Variants in PCSK1 observed in about 807,000 individuals in gnomAD.
PCSK1 encodes the protein proprotein convertase subtilisin/kexin type 1.
Under a neutral mutation model 90.6 loss-of-function variants are expected in PCSK1, and 56 were observed. That is an observed-to-expected ratio of 0.62 (90% confidence interval 0.50 to 0.77). The LOEUF is 0.77. Ranked by LOEUF, PCSK1 falls within the 30% of genes least tolerant of loss-of-function variation. The probability of loss-of-function intolerance (pLI) is 0.00; values close to 1 mark genes in which losing one functional copy is unlikely to be tolerated. For synonymous variants in PCSK1, 348 were observed against 342.4 expected (o/e 1.02, Z -0.18); for missense variants, 801 against 932.6 (o/e 0.86, Z 1.84).
chr5:96,426,406 G>T (rs1761308869), intron 2 of PCSK1, among the ~76,000 whole-genome samples: 1 of 152,144 alleles, frequency 6.6e-6, no homozygotes, highest in Non-Finnish European at 1.5e-5. Flanking sequence ...ATTTTATAAA[G>T]TAAGAATGGT....
chr5:96,394,136 C>A (rs1167003723), intron 13 of PCSK1, among the ~76,000 whole-genome samples: 1 of 152,216 alleles, frequency 6.6e-6, no homozygotes, highest in East Asian at 1.9e-4. Flanking sequence ...AAACACCCAG[C>A]TCAGAGCTGG....
At chr5:96,414,394 G>A (rs1452958875) in intron 6 of PCSK1, among the ~76,000 whole-genome samples, 3 of 145,120 alleles carry the variant, frequency 2.1e-5, no homozygotes, top group Non-Finnish European at 4.4e-5. Context: ...TTGAGGCCAG[G>A]AAGGGATAGT....
intron 7 of PCSK1, among the ~76,000 whole-genome samples, chr5:96,412,008 A>G (rs529223862): frequency 3.7e-4 from 56 of 151,990 alleles, no homozygotes; most frequent in Non-Finnish European, 7.2e-4. Flanking sequence ...GAACAGTGCA[A>G]CCTAGTTACA....
chr5:96,430,945 A>G (rs1761472712), intron 1 of PCSK1, among the ~76,000 whole-genome samples: 1 of 152,238 alleles, frequency 6.6e-6, no homozygotes, highest in South Asian at 2.1e-4. Context: ...CAGTTTTCAC[A>G]TTGAATGGTC....
In PCSK1 at chr5:96,412,450, C is replaced by T. The variant is rs1405408834; in HGVS notation, c.750G>A (p.Glu250=). ...MLDGIVTDAI[E]ASSIGFNPGH... The stretch of plus-strand genomic sequence containing the variant: ...CAGGATTGAATCCAATTGAACTGGC[C>T]TCAATAGCATCCGTCACAATGCCAT... The change falls in exon 7 of 14, where the codon GAG becomes GAA. Residue 250 remains glutamate (E), a synonymous_variant. Transcript: ENST00000311106. 1 of 1,613,842 alleles carries T rather than the reference C, an allele frequency of 6.2e-7. No homozygotes were observed. Among genetic ancestry groups the T allele is most frequent in the Non-Finnish European group, 8.5e-7 (1 of 1,179,788 alleles).
chr5:96,406,750 C>T (rs1170837806), intron 9 of PCSK1, among the ~76,000 whole-genome samples: 4 of 152,204 alleles, frequency 2.6e-5, no homozygotes, highest in African/African-American at 9.7e-5. Flanking sequence ...GCTTTGTTCT[C>T]TCTCTAGAGA....
Position 96,399,001 on chromosome 5 carries a change from A to G in PCSK1, c.1466T>C (p.Ile489Thr). The G allele has an allele frequency of 6.2e-7, 1 of 1,612,802 alleles. No homozygotes were observed. Among genetic ancestry groups the G allele is most frequent in the Non-Finnish European group, 8.5e-7 (1 of 1,178,986 alleles). ...LKANGEVIIE[I>T]PTRACEGQEN... is the part of the protein sequence containing the mutation. ...TTGTCCTTCACAAGCTCTTGTTGGA[A>G]TTTCAATGATAACTTCTCCATTAGC... Residue 489 changes from isoleucine (I) to threonine (T), a missense_variant, in exon 11 of 14, where the codon ATT becomes ACT. By Grantham distance (89) the Ile-to-Thr change is moderately conservative. Transcript: ENST00000311106.
intron 5 of PCSK1, among the ~76,000 whole-genome samples, chr5:96,421,161 G>A (rs1313299637): frequency 6.6e-6 from 1 of 152,238 alleles, no homozygotes; most frequent in Admixed American, 6.5e-5. Context: ...AAAGTCTCTT[G>A]CCTCTGGGTC....
intron 13 of PCSK1, among the ~76,000 whole-genome samples, chr5:96,394,603 T>A (rs1288260438): frequency 1.3e-5 from 2 of 152,238 alleles, no homozygotes; most frequent in African/African-American, 4.8e-5. Context: ...CCATTTGTTA[T>A]CTGTCATAAG....
At chr5:96,409,684 C>G (rs1760688950) in intron 8 of PCSK1, among the ~76,000 whole-genome samples, 1 of 152,202 alleles carries the variant, frequency 6.6e-6, no homozygotes, top group South Asian at 2.1e-4. Context: ...ATGACAACAG[C>G]CAGGGGCTCT....
intron 9 of PCSK1, among the ~76,000 whole-genome samples, chr5:96,406,852 C>A (rs1760587650): frequency 2.6e-5 from 4 of 152,152 alleles, no homozygotes; most frequent in Admixed American, 2.6e-4. Context: ...AACCATAGCA[C>A]CTGACTTGAC....
rs376493319 is a variant in PCSK1, at chr5:96,403,170, G to A, written c.1197-2984C>T. On this transcript the variant is annotated intron_variant, in intron 9 of 13. Coordinates refer to ENST00000311106, the MANE Select transcript of PCSK1 (RefSeq NM_000439.5). ...TAGTAGAGCATTTATTTTATATGCA[G>A]TTGCAGGTTATTTTGTTTTAAAAAT... Among the ~76,000 whole-genome samples, 58 of 152,294 alleles carry A rather than the reference G, an allele frequency of 3.8e-4. 1 individual carries two copies. In the South Asian group the frequency reaches 0.011, roughly 30 times the overall value.
intron 11 of PCSK1, among the ~76,000 whole-genome samples, 157 bp from the exon 12 acceptor site, chr5:96,397,626 T>C (rs1760204724): frequency 6.6e-6 from 1 of 152,186 alleles, no homozygotes; most frequent in Admixed American, 6.5e-5. Context: ...AAGGAAAAAA[T>C]ATGATGTTTT....
At chr5:96,395,140 T>A (rs1245682707) in intron 12 of PCSK1, 115 bp from the exon 13 acceptor site, 4 of 897,774 alleles carry the variant, frequency 4.5e-6, no homozygotes, top group Non-Finnish European at 5.4e-6. Flanking sequence ...ATTCTGTGCA[T>A]TTCATGTGAA....
chr5:96,433,076 G>A lies in PCSK1; in HGVS notation c.-34C>T. ...CACTCGCTTGAACAAGAGTGGGAAG[G>A]GAAGAGGAAAAAGAAGCAAGATAGG... is the stretch of plus-strand genomic sequence containing the variant. On this transcript the variant is annotated 5_prime_UTR_variant, in exon 1 of 14. Coordinates refer to ENST00000311106, the MANE Select transcript of PCSK1 (RefSeq NM_000439.5). The A allele has an allele frequency of 1.2e-6, 2 of 1,606,106 alleles. No homozygotes were observed. Among genetic ancestry groups the A allele is most frequent in the Non-Finnish European group, 1.7e-6 (2 of 1,172,878 alleles).
intron 4 of PCSK1, among the ~76,000 whole-genome samples, chr5:96,422,673 G>A (rs1011295899): frequency 3.3e-5 from 5 of 152,138 alleles, no homozygotes; most frequent in African/African-American, 1.2e-4. Context: ...TGTTTGATAG[G>A]TGGAAAGGAT....
Position 96,427,026 on chromosome 5 carries a change from A to T in PCSK1, c.286-1096T>A, listed in dbSNP as rs531267371. On this transcript the variant is annotated intron_variant, in intron 2 of 13. Transcript: ENST00000311106. ...CTCAATGCTTGGAATGCTGCCTATC[A>T]TCTGAGTTGATCTCTGGAAGCTGAC... 2.0e-5 allele frequency among the ~76,000 whole-genome samples: 3 copies of T among 152,310 alleles called. No homozygotes were observed. In the South Asian group the frequency reaches 6.2e-4, roughly 32 times the overall value.
intron 5 of PCSK1, among the ~76,000 whole-genome samples, chr5:96,420,787 AAG>A (rs34161803): frequency 0.031 from 4,379 of 142,994 alleles, 144 homozygotes; most frequent in African/African-American, 0.089. Context: ...GAGAGAGAGA[AAG>A]AGAGAGAGAG....
intron 6 of PCSK1, among the ~76,000 whole-genome samples, chr5:96,414,215 T>A (rs1483596505): frequency 6.6e-6 from 1 of 151,790 alleles, no homozygotes; most frequent in Non-Finnish European, 1.5e-5. Flanking sequence ...CCTCTGTGCC[T>A]CAGTTTCTTC....
Sources: gnomAD v4.1 joint callset for allele counts (sites outside exome capture counted in the v4.1 genomes callset) on GRCh38, gnomAD v4.1.1 for gene constraint, MANE v1.5 for transcripts, NCBI Gene and HGNC (gene_info 2026-07-23, HGNC 2026-07-21) for gene names.